TBC1D19: variants seen among roughly 807,000 people sequenced by gnomAD.
The protein encoded by TBC1D19 is TBC1 domain family, member 19.
TBC1D19 carries 60 observed loss-of-function variants against 89.0 expected under a neutral mutation model. The observed-to-expected ratio is 0.67, with a 90% CI of 0.55 to 0.84. The LOEUF (loss-of-function observed/expected upper bound fraction) is 0.84. TBC1D19 is among the 40% of genes least tolerant of loss of function. The pLI is 0.00. For synonymous variants in TBC1D19, 189 were observed against 199.7 expected (o/e 0.95, Z 0.45); for missense variants, 500 against 610.8 (o/e 0.82, Z 1.91).
Position 26,613,196 on chromosome 4 carries a change from C to A in TBC1D19, c.127C>A (p.Leu43Ile). ...CAGTCTTCAGAGACCTGAGATTAAA[C>A]TTGAATCACTGAAAGAAGATATTAA... ...WASLQRPEIK[L>I]ESLKEDIKEF... Residue 43 changes from leucine to isoleucine, a missense_variant, in exon 2 of 21, where the codon CTT becomes ATT. Leu to Ile is a conservative substitution (Grantham distance 5, BLOSUM62 2). Around this residue, in one of 2 missense-constraint regions of TBC1D19, gnomAD observed 280 missense variants for 291.7 expected, o/e 0.96. Transcript: ENST00000264866. 1 of 1,578,824 alleles carries A rather than the reference C, an allele frequency of 6.3e-7. No homozygotes were observed. The highest frequency in any genetic ancestry group is 8.6e-7 in the Non-Finnish European group (1 of 1,159,772).
intron 9 of TBC1D19, among the ~76,000 whole-genome samples, chr4:26,671,048 G>T (rs1473352301): frequency 2.0e-5 from 3 of 151,262 alleles, no homozygotes; most frequent in African/African-American, 7.3e-5. Context: ...ATGCATTAGG[G>T]TTTATAACTG....
intron 7 of TBC1D19, among the ~76,000 whole-genome samples, chr4:26,652,737 G>A (rs781112071): frequency 6.6e-6 from 1 of 152,012 alleles, no homozygotes; most frequent in African/African-American, 2.4e-5. Context: ...TTTTTATTGT[G>A]TCTATTTGAT....
chr4:26,851,304 C>CCTCTCTATCTAT, the TBC1D19 span, among the ~76,000 whole-genome samples: 4 of 146,974 alleles, frequency 2.7e-5, no homozygotes, highest in East Asian at 6.1e-4. Flanking sequence ...TAATAAATAC[C>CCTCTCTATCTAT]CTATCTATCT....
chr4:26,787,333 C>T, the TBC1D19 span, among the ~76,000 whole-genome samples: 1 of 152,044 alleles, frequency 6.6e-6, no homozygotes, highest in Non-Finnish European at 1.5e-5. Flanking sequence ...AACTCCTGAG[C>T]TCGGGCAATC....
At chr4:26,689,674 G>A (rs910698491) in intron 13 of TBC1D19, among the ~76,000 whole-genome samples, 1 of 152,038 alleles carries the variant, frequency 6.6e-6, no homozygotes, top group Non-Finnish European at 1.5e-5. Flanking sequence ...TGTTACTACT[G>A]TAATTATTTT....
chr4:26,582,782 C>T (rs1397227661), upstream of TBC1D19, among the ~76,000 whole-genome samples: 1 of 152,078 alleles, frequency 6.6e-6, no homozygotes, highest in Non-Finnish European at 1.5e-5. Context: ...TTTGATAAAC[C>T]AACTTTACCA....
intron 13 of TBC1D19, among the ~76,000 whole-genome samples, chr4:26,706,502 A>G (rs982781642): frequency 4.0e-5 from 6 of 151,770 alleles, no homozygotes; most frequent in African/African-American, 1.5e-4. Flanking sequence ...TATTATCTCT[A>G]TTGTTTTCCT....
chr4:26,788,488 G>T, the TBC1D19 span, among the ~76,000 whole-genome samples: 1 of 152,102 alleles, frequency 6.6e-6, no homozygotes, highest in South Asian at 2.1e-4. Context: ...CTCTCTCTAT[G>T]TTGTGACACC....
chr4:26,637,458 C>T (rs964366499), intron 5 of TBC1D19, among the ~76,000 whole-genome samples, 173 bp downstream of exon 5: 4 of 151,968 alleles, frequency 2.6e-5, no homozygotes, highest in Admixed American at 6.6e-5. Context: ...CTGCAACCTC[C>T]GCCTCCTGGG....
intron 7 of TBC1D19, among the ~76,000 whole-genome samples, chr4:26,652,956 T>C (rs1412643213): frequency 2.0e-5 from 3 of 152,198 alleles, no homozygotes; most frequent in Admixed American, 6.5e-5. Context: ...TTAATTGTGA[T>C]GTTAGGGTGT....
At chr4:26,640,696 G>C (rs1743439678) in intron 7 of TBC1D19, among the ~76,000 whole-genome samples, 1 of 152,166 alleles carries the variant, frequency 6.6e-6, no homozygotes, top group Admixed American at 6.6e-5. Context: ...TCAGAACACT[G>C]CCAACTAAAC....
rs149859125 is a variant in TBC1D19, at chr4:26,585,690, C to T, written c.99+1398C>T. 3.3e-3 allele frequency among the ~76,000 whole-genome samples: 495 copies of T among 151,748 alleles called. 1 individual carries two copies. Among genetic ancestry groups the T allele is most frequent in the African/African-American group, 0.012 (477 of 41,372 alleles). ...CCTCTGCCTCCCAGGTTCAAGTGAT[C>T]CTCCCGCCTTCGCCTCCTGAATAGC... On this transcript the variant is annotated intron_variant, in intron 1 of 20. Transcript: ENST00000264866.
At chr4:26,832,650 A>C in the TBC1D19 span, among the ~76,000 whole-genome samples, 2 of 152,324 alleles carry the variant, frequency 1.3e-5, no homozygotes, top group Admixed American at 1.3e-4. Context: ...AAGGAGCTGG[A>C]CTGGACACCA....
intron 13 of TBC1D19, among the ~76,000 whole-genome samples, chr4:26,702,857 C>A (rs1432481757): frequency 2.6e-5 from 4 of 152,188 alleles, no homozygotes; most frequent in African/African-American, 4.8e-5. Flanking sequence ...TGAATAGCAG[C>A]TCCATATTCC....
At chr4:26,656,089 A>C (rs1744783865) in intron 7 of TBC1D19, among the ~76,000 whole-genome samples, 1 of 152,056 alleles carries the variant, frequency 6.6e-6, no homozygotes, top group African/African-American at 2.4e-5. Flanking sequence ...AAAAATTATT[A>C]TTATTCTGTC....
the TBC1D19 span, among the ~76,000 whole-genome samples, chr4:26,810,671 T>C: frequency 5.5e-3 from 843 of 152,166 alleles, 11 homozygotes; most frequent in African/African-American, 0.02. Flanking sequence ...CTCCCACTTG[T>C]CCTTGAAGAT....
chr4:26,796,271 G>A, the TBC1D19 span, among the ~76,000 whole-genome samples: 1 of 152,032 alleles, frequency 6.6e-6, no homozygotes, highest in Non-Finnish European at 1.5e-5. Flanking sequence ...TTGAAATTTG[G>A]CCAAATTGCC....
intron 1 of TBC1D19, among the ~76,000 whole-genome samples, chr4:26,593,841 C>G (rs989975877): frequency 6.6e-6 from 1 of 152,200 alleles, no homozygotes; most frequent in Admixed American, 6.5e-5. Context: ...CAGGAAACAA[C>G]AGGTGCTGGA....
intron 1 of TBC1D19, among the ~76,000 whole-genome samples, chr4:26,606,863 TG>T (rs1741043072): frequency 6.6e-6 from 1 of 152,186 alleles, no homozygotes; most frequent in South Asian, 2.1e-4. Context: ...TGCCCTCATT[TG>T]TACTTAATGG....
Sources: allele counts gnomAD v4.1 joint callset (sites outside exome capture counted in the v4.1 genomes callset), GRCh38; gene constraint gnomAD v4.1.1; regional missense constraint gnomAD v4.1.1; transcripts MANE v1.5; gene names NCBI Gene and HGNC (gene_info 2026-07-23, HGNC 2026-07-21).